EYS: variants seen among roughly 807,000 people sequenced by gnomAD.
EYS encodes the protein protein eyes shut homolog.
A neutral mutation model predicts 282.1 loss-of-function variants in EYS; 250 were observed. The ratio of observed to expected loss-of-function variants is 0.89; its 90% CI spans 0.80 to 0.98. The LOEUF (loss-of-function observed/expected upper bound fraction) is 0.98, where lower values mean the gene tolerates loss of function less well. Among genes scored for constraint, EYS ranks in the 50% least tolerant of loss-of-function variants. EYS has a pLI of 0.00. For missense variants in EYS, 4,016 were observed against 3,709.0 expected (o/e 1.08, Z -2.15); for synonymous variants, 1,355 against 1,282.9 (o/e 1.06, Z -1.20).
intron 41 of EYS, among the ~76,000 whole-genome samples, chr6:63,761,136 C>T (rs1380673140): frequency 6.7e-6 from 1 of 150,364 alleles, no homozygotes; most frequent in South Asian, 2.1e-4. Flanking sequence ...GAAAGACAAT[C>T]AGGAAAGGCT....
intron 2 of EYS, among the ~76,000 whole-genome samples, chr6:65,604,151 T>C (rs1416063016): frequency 1.3e-5 from 2 of 151,950 alleles, no homozygotes; most frequent in Non-Finnish European, 1.5e-5. Context: ...TGGTTGGAAT[T>C]AGCTCTGTTT....
chr6:63,889,336 G>C (rs1773348774), intron 35 of EYS, among the ~76,000 whole-genome samples: 1 of 152,092 alleles, frequency 6.6e-6, no homozygotes, highest in South Asian at 2.1e-4. Context: ...GATTCACCAA[G>C]GTAGAAATAA....
chr6:64,102,909 T>A (rs111975214), intron 31 of EYS, among the ~76,000 whole-genome samples: 1 of 152,140 alleles, frequency 6.6e-6, no homozygotes, highest in Admixed American at 6.5e-5. Flanking sequence ...TTTTCATGAC[T>A]TCAAATATCT....
intron 19 of EYS, among the ~76,000 whole-genome samples, chr6:64,856,701 A>C (rs1372064709): frequency 6.6e-6 from 1 of 152,110 alleles, no homozygotes; most frequent in Non-Finnish European, 1.5e-5. Flanking sequence ...CAAACATTTT[A>C]TCTCATTTTG....
rs147747308 is a variant in EYS, at chr6:65,446,337, T to A, written c.863-40970A>T. On this transcript the variant is annotated intron_variant, in intron 5 of 42. Transcript: ENST00000503581. ...ATTAATACTTTTTCATCAAGTAAAA[T>A]TTTACCAGATAGTGTGTTTAAACTA... Among the ~76,000 whole-genome samples, 112 of 151,954 alleles carry A rather than the reference T, an allele frequency of 7.4e-4. No homozygotes were observed. In the East Asian group the frequency reaches 0.018, roughly 25 times the overall value.
chr6:64,317,987 A>G (rs1157978790), intron 29 of EYS, among the ~76,000 whole-genome samples: 2 of 152,044 alleles, frequency 1.3e-5, no homozygotes, highest in Non-Finnish European at 1.5e-5. Flanking sequence ...ATGAGAACAC[A>G]TGGATACAGA....
intron 26 of EYS, among the ~76,000 whole-genome samples, chr6:64,492,026 A>T (rs114859635): frequency 0.016 from 2,466 of 151,316 alleles, 23 homozygotes; most frequent in South Asian, 0.035. Flanking sequence ...TAGCCAAGAG[A>T]AAACAAGCAA....
At chr6:64,911,970 T>A (rs185351963) in intron 16 of EYS, among the ~76,000 whole-genome samples, 2 of 152,288 alleles carry the variant, frequency 1.3e-5, no homozygotes, top group South Asian at 2.1e-4. Flanking sequence ...TAGTATTTTT[T>A]GAACTGCTCA....
intron 12 of EYS, among the ~76,000 whole-genome samples, chr6:65,085,992 G>T (rs1774357594): frequency 6.7e-6 from 1 of 148,936 alleles, no homozygotes; most frequent in African/African-American, 2.5e-5. Flanking sequence ...TTTGTCTTCT[G>T]GAGTACCTGG....
At chr6:64,436,998 T>C (rs1426636334) in intron 27 of EYS, among the ~76,000 whole-genome samples, 1 of 151,798 alleles carries the variant, frequency 6.6e-6, no homozygotes, top group Non-Finnish European at 1.5e-5. Flanking sequence ...ACTTGCATTG[T>C]GTTTCATAAC....
intron 1 of EYS, among the ~76,000 whole-genome samples, chr6:65,682,184 T>C (rs960049976): frequency 1.3e-5 from 2 of 151,930 alleles, no homozygotes; most frequent in African/African-American, 4.8e-5. Context: ...TGAAGTCTCT[T>C]GGGAGCAATG....
chr6:63,759,068 A>AT (rs954958051), intron 41 of EYS, among the ~76,000 whole-genome samples: 12 of 152,108 alleles, frequency 7.9e-5, no homozygotes, highest in Admixed American at 7.9e-4. Flanking sequence ...CAATGTATGT[A>AT]TTTTTTGTGC....
intron 8 of EYS, among the ~76,000 whole-genome samples, chr6:65,371,737 C>CTG (rs1404201291): frequency 0.016 from 673 of 43,358 alleles, 1 homozygote; most frequent in Non-Finnish European, 0.023. Flanking sequence ...CTCTCTCTCT[C>CTG]TCTCTGTGTG....
chr6:64,625,071 C>T (rs984421766), intron 23 of EYS, among the ~76,000 whole-genome samples: 1 of 152,106 alleles, frequency 6.6e-6, no homozygotes, highest in Non-Finnish European at 1.5e-5. Flanking sequence ...ATATCCCCTA[C>T]ATATATTCCT....
intron 13 of EYS, among the ~76,000 whole-genome samples, chr6:65,055,075 G>A (rs1012913383): frequency 6.6e-6 from 1 of 151,974 alleles, no homozygotes; most frequent in Non-Finnish European, 1.5e-5. Context: ...TCAACCTTAT[G>A]GGGTCAACCA....
At chr6:65,485,043 A>G (rs1582359328) in intron 5 of EYS, among the ~76,000 whole-genome samples, 1 of 152,336 alleles carries the variant, frequency 6.6e-6, no homozygotes, top group Admixed American at 6.5e-5. Context: ...ATAAATCTAC[A>G]ACTATTTACA....
intron 35 of EYS, among the ~76,000 whole-genome samples, chr6:63,909,257 A>G (rs6912246): frequency 0.49 from 74,063 of 151,980 alleles, 19,383 homozygotes; most frequent in African/African-American, 0.69. Flanking sequence ...TGGTTTCCTA[A>G]CTCATTTTAT....
At chr6:65,110,771 T>C (rs1775194294) in intron 12 of EYS, among the ~76,000 whole-genome samples, 1 of 152,166 alleles carries the variant, frequency 6.6e-6, no homozygotes, top group Non-Finnish European at 1.5e-5. Context: ...AGATGCATGA[T>C]GCTAAACTGA....
chr6:63,906,581 T>C (rs1332961562), intron 35 of EYS, among the ~76,000 whole-genome samples: 2 of 152,258 alleles, frequency 1.3e-5, no homozygotes, highest in Non-Finnish European at 2.9e-5. Flanking sequence ...TTAAGTATTC[T>C]GTATTTGCAC....
Sources: gnomAD v4.1 joint callset for allele counts (sites outside exome capture counted in the v4.1 genomes callset) on GRCh38, gnomAD v4.1.1 for gene constraint, MANE v1.5 for transcripts, NCBI Gene and HGNC (gene_info 2026-07-23, HGNC 2026-07-21) for gene names.